Variants in FBXW7 observed in about 807,000 individuals in gnomAD.
FBXW7 encodes the protein F-box/WD repeat-containing protein 7.
Under a neutral mutation model 86.3 loss-of-function variants are expected in FBXW7, and 11 were observed. That is an observed-to-expected ratio of 0.13 (90% confidence interval 0.08 to 0.21). The LOEUF (loss-of-function observed/expected upper bound fraction) is 0.21. FBXW7 is among the 10% of genes least tolerant of loss of function. The pLI is 1.00. For missense variants in FBXW7, 488 were observed against 847.4 expected (o/e 0.58, Z 5.27); for synonymous variants, 313 against 297.9 (o/e 1.05, Z -0.52).
intron 2 of FBXW7, among the ~76,000 whole-genome samples, chr4:152,475,947 C>T (rs967196900): frequency 6.6e-6 from 1 of 152,148 alleles, no homozygotes; most frequent in Non-Finnish European, 1.5e-5. Context: ...TAACACCAAT[C>T]AAAATCTCAA....
intron 2 of FBXW7, among the ~76,000 whole-genome samples, chr4:152,416,118 T>C (rs1396222285): frequency 1.3e-5 from 2 of 152,138 alleles, no homozygotes; most frequent in African/African-American, 4.8e-5. Flanking sequence ...GACTTTTGTT[T>C]TTCATCACTA....
At chr4:152,456,824 A>T (rs1016645689) in intron 2 of FBXW7, among the ~76,000 whole-genome samples, 1 of 152,238 alleles carries the variant, frequency 6.6e-6, no homozygotes, top group Non-Finnish European at 1.5e-5. Context: ...TGTCTTATAC[A>T]GGTAAACATA....
Position 152,384,392 on chromosome 4 carries a change from T to C in FBXW7, c.501+26911A>G, listed in dbSNP as rs10018285. Among the ~76,000 whole-genome samples the C allele has an allele frequency of 7.0e-3, 1,070 of 152,206 alleles. 6 individuals carry two copies. The highest frequency in any genetic ancestry group is 0.025 in the African/African-American group (1,029 of 41,550). On this transcript the variant is annotated intron_variant, in intron 4 of 13. Transcript: ENST00000281708. ...ACATATGCTACAACATGCATGAACCTTGAAGATACTATACTAAGTAAAATA... is the reference window on the plus strand; with the variant it reads ...ACATATGCTACAACATGCATGAACCCTGAAGATACTATACTAAGTAAAATA...
chr4:152,446,248 C>T (rs1277422630), intron 2 of FBXW7, among the ~76,000 whole-genome samples: 1 of 152,076 alleles, frequency 6.6e-6, no homozygotes, highest in African/African-American at 2.4e-5. Flanking sequence ...TACTATCCTA[C>T]TTAGGAAATA....
Position 152,325,986 on chromosome 4 carries a change from G to T in FBXW7, c.1644+20C>A, listed in dbSNP as rs141482952. On this transcript the variant is annotated intron_variant, in intron 12 of 13. Transcript: ENST00000281708. Reference sequence around the variant, plus strand: ...ATGATTCATCAGGAGAGCATTTAAGGGAGAGATAAGAGATCTTACCTGTAA... The same window carrying T: ...ATGATTCATCAGGAGAGCATTTAAGTGAGAGATAAGAGATCTTACCTGTAA... The T allele has an allele frequency of 4.7e-5, 75 of 1,584,386 alleles. No homozygotes were observed. The African/African-American group carries it at 8.2e-4, about 17-fold the overall frequency.
rs1251465821 is a variant in FBXW7, at chr4:152,321,701, TTG to T, written c.*1178_*1179del. 2.1e-5 allele frequency: 5 copies of T among 232,984 alleles called. No individual in the cohort carries two copies. The highest frequency in any genetic ancestry group is 1.2e-3 in the Middle Eastern group (1 of 802). 14.4% of individuals were successfully genotyped at this position (232,984 alleles called of 1,614,324 possible). ...ACTGACCAGCAACTTTATTTTAATTTTGTGTTTTATATATTTTTAAAATATTT... is the reference window on the plus strand; with the variant it reads ...ACTGACCAGCAACTTTATTTTAATTTTGTTTTATATATTTTTAAAATATTT... On this transcript the variant is annotated 3_prime_UTR_variant, in exon 14 of 14. Transcript: ENST00000281708.
intron 2 of FBXW7, among the ~76,000 whole-genome samples, chr4:152,527,865 TACACACACACACACACACACAC>T (rs149379203): frequency 7.3e-6 from 1 of 137,396 alleles, no homozygotes; most frequent in African/African-American, 3.1e-5. Flanking sequence ...AAAAATTATA[TACACACACACACACACACACAC>T]ACACACACAC....
At chr4:152,515,746 C>T (rs376075947) in intron 2 of FBXW7, among the ~76,000 whole-genome samples, 1 of 148,648 alleles carries the variant, frequency 6.7e-6, no homozygotes, top group South Asian at 2.1e-4. Context: ...AGAATAACCA[C>T]AACTCTCTTT....
rs1345322724 is a variant in FBXW7, at chr4:152,322,788, T to A, written c.*93A>T. 2.7e-5 allele frequency: 42 copies of A among 1,547,974 alleles called. No homozygotes were observed. The highest frequency in any genetic ancestry group is 3.5e-5 in the Non-Finnish European group (40 of 1,151,948). ...TCCTGCACCACTGAGAACAAGGGAT[T>A]TTTTTCTTTTTCTTTTCTTTTTTTC... On this transcript the variant is annotated 3_prime_UTR_variant, in exon 14 of 14. Coordinates refer to ENST00000281708, the MANE Select transcript of FBXW7 (RefSeq NM_001349798.2).
intron 4 of FBXW7, among the ~76,000 whole-genome samples, chr4:152,366,557 A>C (rs189753958): frequency 8.5e-5 from 13 of 152,214 alleles, no homozygotes; most frequent in African/African-American, 1.7e-4. Flanking sequence ...TTAAAAACTA[A>C]ATGTAAATCA....
intron 4 of FBXW7, chr4:152,382,574 AG>A: frequency 1.1e-6 from 1 of 906,860 alleles, no homozygotes; most frequent in Non-Finnish European, 1.4e-6. Context: ...CTGAAGTGAA[AG>A]CTCCTGCTCC....
intron 4 of FBXW7, among the ~76,000 whole-genome samples, chr4:152,368,262 A>T (rs773361568): frequency 3.3e-5 from 5 of 152,102 alleles, no homozygotes; most frequent in Admixed American, 2.0e-4. Flanking sequence ...ATACTGCATT[A>T]TAACAAAGCT....
rs1750116749 is a variant in FBXW7 at position 152,532,591 on chromosome 4, T to C, written c.-120+2350A>G. On this transcript the variant is annotated intron_variant, in intron 2 of 13. Transcript: ENST00000281708. ...AAAGTCTTAAATATTGTGTCTCCACTTGCTCTTTTCTTCCTAAAAGAAACC... is the reference window on the plus strand; with the variant it reads ...AAAGTCTTAAATATTGTGTCTCCACCTGCTCTTTTCTTCCTAAAAGAAACC... Among the ~76,000 whole-genome samples the C allele has an allele frequency of 2.6e-5, 4 of 152,374 alleles. No individual in the cohort carries two copies. The South Asian group carries it at 8.3e-4, about 32-fold the overall frequency.
chr4:152,405,261 A>T (rs1157225515), intron 4 of FBXW7, among the ~76,000 whole-genome samples: 1 of 152,144 alleles, frequency 6.6e-6, no homozygotes, highest in Non-Finnish European at 1.5e-5. Flanking sequence ...GCTTACCAAA[A>T]ATGTCACCAG....
intron 5 of FBXW7, among the ~76,000 whole-genome samples, chr4:152,349,314 CA>C (rs5863003): frequency 1.2e-4 from 17 of 147,164 alleles, no homozygotes; most frequent in South Asian, 4.3e-4. Context: ...TTTTAAAGAC[CA>C]AAAAAAAAAG....
intron 2 of FBXW7, among the ~76,000 whole-genome samples, chr4:152,458,129 C>T (rs1742608342): frequency 6.6e-6 from 1 of 152,140 alleles, no homozygotes; most frequent in Non-Finnish European, 1.5e-5. Flanking sequence ...AAGAGATTCT[C>T]CTGCCTCAGC....
intron 2 of FBXW7, among the ~76,000 whole-genome samples, chr4:152,517,076 G>T (rs1245252253): frequency 6.6e-6 from 1 of 152,198 alleles, no homozygotes; most frequent in African/African-American, 2.4e-5. Flanking sequence ...ACTCGCCTCA[G>T]CCTCCCAAAG....
intron 4 of FBXW7, among the ~76,000 whole-genome samples, chr4:152,354,468 G>GGGCTATGAGAAC (rs1732173612): frequency 1.3e-5 from 2 of 152,108 alleles, no homozygotes; most frequent in South Asian, 4.1e-4. Context: ...GAGAACACCT[G>GGGCTATGAGAAC]AAATTTCATC....
chr4:152,485,997 A>G (rs1195322679), intron 2 of FBXW7, among the ~76,000 whole-genome samples: 1 of 152,206 alleles, frequency 6.6e-6, no homozygotes, highest in African/African-American at 2.4e-5. Flanking sequence ...GGTATAGCCC[A>G]TTGCTCCTAG....
Sources: allele counts gnomAD v4.1 joint callset (sites outside exome capture counted in the v4.1 genomes callset), GRCh38; gene constraint gnomAD v4.1.1; transcripts MANE v1.5; gene names NCBI Gene and HGNC (gene_info 2026-07-23, HGNC 2026-07-21).